Variants in RRP1 observed in about 807,000 individuals in gnomAD.
The protein encoded by RRP1 is ribosomal RNA processing 1.
RRP1 carries 37 observed loss-of-function variants against 54.6 expected under a neutral mutation model. The observed-to-expected ratio is 0.68, with a 90% CI of 0.52 to 0.89. The LOEUF (loss-of-function observed/expected upper bound fraction) is 0.89. Among genes scored for constraint, RRP1 ranks in the 40% least tolerant of loss-of-function variants. RRP1 has a pLI of 0.00. For synonymous variants in RRP1, 262 were observed against 244.3 expected, an observed-to-expected ratio of 1.07 and a Z score of -0.67; for missense variants, 639 against 612.5, an observed-to-expected ratio of 1.04 and a Z score of -0.46.
chr21:43,796,987 C>T (rs1437126967), intron 5 of RRP1, among the ~76,000 whole-genome samples: 1 of 152,208 alleles, frequency 6.6e-6, no homozygotes, highest in African/African-American at 2.4e-5. Context: ...TGGGCCTCCA[C>T]CTTCCTTTCT....
In RRP1 at chr21:43,798,041, C is replaced by G. The variant is rs1271381543; in HGVS notation, c.752C>G (p.Ser251Cys). Reference sequence around the variant, plus strand: ...GTGGCGTCGGACAGTGATGAGTCCTCTGAGGGTGGTGAGCGTGGAGACGCG... The same window carrying G: ...GTGGCGTCGGACAGTGATGAGTCCTGTGAGGGTGGTGAGCGTGGAGACGCG... ...EEVASDSDESSEGGERGDALS... is the reference protein window; with the variant it reads ...EEVASDSDESCEGGERGDALS... Residue 251 changes from serine (S) to cysteine (C), a missense_variant, in exon 8 of 13, where the codon TCT becomes TGT. Ser to Cys is a moderately radical substitution (Grantham distance 112). Coordinates refer to ENST00000497547, the MANE Select transcript of RRP1 (RefSeq NM_003683.6). 1 of 1,614,164 alleles carries G rather than the reference C, an allele frequency of 6.2e-7. No individual in the cohort carries two copies. The highest frequency in any genetic ancestry group is 8.5e-7 in the Non-Finnish European group (1 of 1,180,014).
Position 43,803,564 on chromosome 21 carries a change from G to C in RRP1, c.1176G>C (p.Arg392Ser), listed in dbSNP as rs1475248321. ...CGGGCATGGAGAGGAAGAGGAGCAG[G>C]AGGAGGGGTGTAGGGGCCGACCCCG... ...PSPGMERKRS[R>S]RRGVGADPEA... Residue 392 changes from arginine (R) to serine (S), a missense_variant, in exon 13 of 13, where the codon AGG becomes AGC. Physicochemically the swap from Arg to Ser is moderately radical, Grantham distance 110. Coordinates refer to ENST00000497547, the MANE Select transcript of RRP1 (RefSeq NM_003683.6). 16 of 1,556,380 alleles carry C rather than the reference G, an allele frequency of 1.0e-5. No individual in the cohort carries two copies. The highest frequency in any genetic ancestry group is 1.4e-5 in the Non-Finnish European group (16 of 1,150,380).
chr21:43,799,198 C>T (rs1046272437), intron 8 of RRP1, among the ~76,000 whole-genome samples: 1 of 152,186 alleles, frequency 6.6e-6, no homozygotes, highest in Non-Finnish European at 1.5e-5. Context: ...CACCCTGAGG[C>T]TCCTCACTTC....
intron 12 of RRP1, 167 bp downstream of exon 12, chr21:43,802,554 C>G (rs949850189): frequency 8.2e-6 from 5 of 611,130 alleles, no homozygotes; most frequent in Non-Finnish European, 1.5e-5. Flanking sequence ...CTCGGCATCC[C>G]TCCTGTAGGC....
rs950377930 is a variant in RRP1 at position 43,805,252 on chromosome 21, G to C, written c.*1478G>C. 1 of 150,226 alleles carries C rather than the reference G, an allele frequency of 6.7e-6. No homozygotes were observed. Among genetic ancestry groups the C allele is most frequent in the African/African-American group, 2.5e-5 (1 of 40,490 alleles). The allele number at this position is 150,226 out of a possible 1,614,324, so 9.3% of individuals were successfully genotyped here. A position where few individuals can be genotyped will look rare whatever the true frequency, so the allele number is the denominator to read the frequency against. Reference sequence around the variant, plus strand: ...GATCACGCCATTGCACTCCAGCCTGGGCAACGAGAGGGAAACTCTGTTTCA... The same window carrying C: ...GATCACGCCATTGCACTCCAGCCTGCGCAACGAGAGGGAAACTCTGTTTCA... On this transcript the variant is annotated 3_prime_UTR_variant, in exon 13 of 13. Transcript: ENST00000497547.
intron 11 of RRP1, 149 bp downstream of exon 11, chr21:43,801,030 C>T (rs1387747787): frequency 8.2e-6 from 7 of 858,146 alleles, no homozygotes; most frequent in African/African-American, 1.7e-5. Context: ...GGAGGCAGGG[C>T]GCAGGGTTCC....
chr21:43,803,425 G>A (rs1209578423), intron 12 of RRP1, 87 bp from the exon 13 acceptor site: 4 of 1,460,482 alleles, frequency 2.7e-6, no homozygotes, highest in Non-Finnish European at 3.6e-6. Context: ...CAGGTCTGTG[G>A]TGCTGGCATC....
intron 8 of RRP1, 42 bp downstream of exon 8, chr21:43,798,142 C>G: frequency 2.0e-6 from 3 of 1,530,912 alleles, no homozygotes; most frequent in Non-Finnish European, 2.6e-6. Flanking sequence ...GGGGCCTGTC[C>G]TGGGCTGAGC....
chr21:43,796,576 C>T (rs1433349038), intron 5 of RRP1, among the ~76,000 whole-genome samples: 1 of 152,166 alleles, frequency 6.6e-6, no homozygotes, highest in East Asian at 1.9e-4. Context: ...TTAATATCCA[C>T]GCCATTGCCA....
chr21:43,796,624 T>A (rs762258302), intron 5 of RRP1, among the ~76,000 whole-genome samples: 7 of 152,208 alleles, frequency 4.6e-5, no homozygotes, highest in Non-Finnish European at 1.0e-4. Flanking sequence ...CTGTGTGTCT[T>A]CCTCTTGGTC....
At chr21:43,797,773 T>A in intron 7 of RRP1, 78 bp downstream of exon 7, 1 of 1,583,306 alleles carries the variant, frequency 6.3e-7, no homozygotes, top group Non-Finnish European at 8.7e-7. Flanking sequence ...GGGGTGCTGC[T>A]CCCTCGAGGG....
In RRP1 at chr21:43,803,952, C is replaced by T. The variant is rs920585259; in HGVS notation, c.*178C>T. The T allele has an allele frequency of 2.6e-6, 2 of 759,168 alleles. No homozygotes were observed. Among genetic ancestry groups the T allele is most frequent in the Non-Finnish European group, 4.0e-6 (2 of 495,868 alleles). 47.0% of individuals were successfully genotyped at this position (759,168 alleles called of 1,614,324 possible). A position where few individuals can be genotyped will look rare whatever the true frequency, so the allele number is the denominator to read the frequency against. On this transcript the variant is annotated 3_prime_UTR_variant, in exon 13 of 13. Transcript: ENST00000497547. ...TCATTAGGGGCCAGCATCCCAGGAACTGGACCTTTCCCCAGAGCCTCCGCC... is the reference window on the plus strand; with the variant it reads ...TCATTAGGGGCCAGCATCCCAGGAATTGGACCTTTCCCCAGAGCCTCCGCC...
rs1172763324 is a variant in RRP1 at position 43,803,775 on chromosome 21, T to C, written c.*1T>C. The C allele has an allele frequency of 1.9e-6, 3 of 1,575,780 alleles. No homozygotes were observed. The highest frequency in any genetic ancestry group is 4.5e-4 in the Middle Eastern group (2 of 4,408). On this transcript the variant is annotated 3_prime_UTR_variant, in exon 13 of 13. Transcript: ENST00000497547. Reference sequence around the variant, plus strand: ...GAAGAAGAAGAAACGCAGGGAGTGATGTGGCCGGGCCAAGGACAGGCAGGG... The same window carrying C: ...GAAGAAGAAGAAACGCAGGGAGTGACGTGGCCGGGCCAAGGACAGGCAGGG...
intron 12 of RRP1, 73 bp downstream of exon 12, chr21:43,802,460 C>T (rs1436086593): frequency 8.6e-7 from 1 of 1,166,106 alleles, no homozygotes; most frequent in Non-Finnish European, 1.3e-6. Context: ...ATGGGGGTCA[C>T]CTGCAGTGTC....
At position 43,803,565 on chromosome 21, in the gene RRP1, A is replaced by G; in HGVS notation, c.1177A>G (p.Arg393Gly). The change falls in exon 13 of 13, where the codon AGG becomes GGG. Residue 393 changes from arginine (R) to glycine (G), a missense_variant. Coordinates refer to ENST00000497547, the MANE Select transcript of RRP1 (RefSeq NM_003683.6). ...SPGMERKRSR[R>G]RGVGADPEAR... Reference sequence around the variant, plus strand: ...GGGCATGGAGAGGAAGAGGAGCAGGAGGAGGGGTGTAGGGGCCGACCCCGA... The same window carrying G: ...GGGCATGGAGAGGAAGAGGAGCAGGGGGAGGGGTGTAGGGGCCGACCCCGA... 6.4e-7 allele frequency: 1 copy of G among 1,556,200 alleles called. No homozygotes were observed. The highest frequency in any genetic ancestry group is 8.7e-7 in the Non-Finnish European group (1 of 1,150,324).
chr21:43,803,748 G>A lies in RRP1; in HGVS notation c.1360G>A (p.Glu454Lys). 1 of 1,580,370 alleles carries A rather than the reference G, an allele frequency of 6.3e-7. No homozygotes were observed. Among genetic ancestry groups the A allele is most frequent in the African/African-American group, 1.3e-5 (1 of 74,570 alleles). ...AAAGGCGGCCAATGTCCAGGAGCCG[G>A]AGAAGAAGAAGAAACGCAGGGAGTG... ...RAKAANVQEP[E>K]KKKKRRE Residue 454 changes from glutamate (E) to lysine (K), a missense_variant, in exon 13 of 13, where the codon GAG becomes AAG. By Grantham distance (56) the Glu-to-Lys change is moderately conservative. Transcript: ENST00000497547.
At chr21:43,790,780 G>C in intron 1 of RRP1, 1 of 299,060 alleles carries the variant, frequency 3.3e-6, no homozygotes, top group Non-Finnish European at 6.6e-6. Flanking sequence ...TACAAATTGG[G>C]GTCTTCCTAT....
At position 43,797,796 on chromosome 21, in the gene RRP1, C is replaced by CA. The variant is rs1299348790; in HGVS notation, c.617+102dup. On this transcript the variant is annotated intron_variant, in intron 7 of 12. Transcript: ENST00000497547. ...GCTCCCTCGAGGGATGAATCTGTCT[C>CA]AGAGTGGCCGCTGGCCGTGTGGGTG... 5.7e-6 allele frequency: 9 copies of CA among 1,570,690 alleles called. No individual in the cohort carries two copies. The African/African-American group carries it at 6.8e-5, about 12-fold the overall frequency.
intron 1 of RRP1, among the ~76,000 whole-genome samples, chr21:43,790,322 G>C (rs1170835656): frequency 6.6e-6 from 1 of 152,170 alleles, no homozygotes; most frequent in African/African-American, 2.4e-5. Flanking sequence ...CCAGCTACTT[G>C]GCACGTCGAT....
Sources: allele counts gnomAD v4.1 joint callset (sites outside exome capture counted in the v4.1 genomes callset), GRCh38; gene constraint gnomAD v4.1.1; transcripts MANE v1.5; gene names NCBI Gene and HGNC (gene_info 2026-07-23, HGNC 2026-07-21).